The following LOXHD1 variants were observed in gnomAD, a reference collection of about 807,000 sequenced individuals.
LOXHD1 encodes the protein lipoxygenase homology domain-containing protein 1.
A neutral mutation model predicts 248.2 loss-of-function variants in LOXHD1; 205 were observed. The ratio of observed to expected loss-of-function variants is 0.83; its 90% CI spans 0.74 to 0.93. The LOEUF (loss-of-function observed/expected upper bound fraction) is 0.93, where lower values mean the gene tolerates loss of function less well. LOXHD1 is among the 40% of genes least tolerant of loss of function. The pLI, the probability that LOXHD1 is intolerant of heterozygous loss-of-function variation, is 0.00. For synonymous variants in LOXHD1, 1,113 were observed against 1,162.8 expected (o/e 0.96, Z 0.87); for missense variants, 2,930 against 2,971.6 (o/e 0.99, Z 0.33).
intron 4 of LOXHD1, among the ~76,000 whole-genome samples, chr18:46,632,528 G>C (rs1007156894): frequency 6.6e-6 from 1 of 152,160 alleles, no homozygotes; most frequent in Admixed American, 6.5e-5. Flanking sequence ...TGTCCATGCA[G>C]TTACTCTGCC....
intron 5 of LOXHD1, among the ~76,000 whole-genome samples, chr18:46,616,679 G>C (rs1475088944): frequency 1.3e-5 from 2 of 152,002 alleles, no homozygotes; most frequent in African/African-American, 4.8e-5. Flanking sequence ...ATCTTTGTTT[G>C]CATAGAAATT....
chr18:46,624,304 G>T (rs1222383429), intron 4 of LOXHD1, among the ~76,000 whole-genome samples: 1 of 152,226 alleles, frequency 6.6e-6, no homozygotes, highest in Non-Finnish European at 1.5e-5. Flanking sequence ...AAAACGGCAA[G>T]GGAGAGAGAT....
At position 46,504,403 on chromosome 18, in the gene LOXHD1, G is replaced by A. The variant is rs115679436; in HGVS notation, c.5878+1435C>T. 4.6e-3 allele frequency among the ~76,000 whole-genome samples: 695 copies of A among 152,260 alleles called. 6 individuals carry two copies. The highest frequency in any genetic ancestry group is 0.016 in the African/African-American group (662 of 41,522). Reference sequence around the variant, plus strand: ...TTACAGCTGTGAGCCACAGCCCCTGGCCTCACAAAGTATTTTTGAGAATCA... The same window carrying A: ...TTACAGCTGTGAGCCACAGCCCCTGACCTCACAAAGTATTTTTGAGAATCA... On this transcript the variant is annotated intron_variant, in intron 37 of 40. Coordinates refer to ENST00000642948, the MANE Select transcript of LOXHD1 (RefSeq NM_001384474.1).
intron 25 of LOXHD1, among the ~76,000 whole-genome samples, chr18:46,538,734 G>A (rs1450664469): frequency 6.6e-6 from 1 of 152,154 alleles, no homozygotes. Flanking sequence ...AAGTGCCCTC[G>A]ACATGGTGCT....
At chr18:46,555,217 C>T (rs1340736902) in intron 21 of LOXHD1, 2 of 469,744 alleles carry the variant, frequency 4.3e-6, no homozygotes, top group Non-Finnish European at 8.8e-6. Flanking sequence ...AGCTTAAATG[C>T]CTTGGATTTT....
chr18:46,574,041 GGAGAAGGTT>G (rs1286814688), intron 14 of LOXHD1, among the ~76,000 whole-genome samples: 1 of 152,072 alleles, frequency 6.6e-6, no homozygotes, highest in African/African-American at 2.4e-5. Flanking sequence ...AGACTGCAGA[GGAGAAGGTT>G]GAGAAGTAGG....
At chr18:46,586,521 C>T (rs2038064299) in intron 12 of LOXHD1, among the ~76,000 whole-genome samples, 1 of 152,252 alleles carries the variant, frequency 6.6e-6, no homozygotes, top group South Asian at 2.1e-4. Flanking sequence ...TCTCCGCTCA[C>T]TGCAATCTCC....
intron 29 of LOXHD1, among the ~76,000 whole-genome samples, chr18:46,526,202 G>A (rs927557768): frequency 6.6e-6 from 1 of 152,210 alleles, no homozygotes; most frequent in African/African-American, 2.4e-5. Context: ...CCTTCACATT[G>A]CACAAGGATG....
Position 46,621,217 on chromosome 18 carries a change from G to A in LOXHD1, c.512-2927C>T, listed in dbSNP as rs144130089. Among the ~76,000 whole-genome samples the A allele has an allele frequency of 1.1e-4, 16 of 152,336 alleles. 1 individual carries two copies. In the East Asian group the frequency reaches 2.9e-3, roughly 28 times the overall value. ...GGAGAATAGGATCCCTGTGTGACAG[G>A]TGACTGCCAATCACATTGAGAAGGA... is the stretch of plus-strand genomic sequence containing the variant. On this transcript the variant is annotated intron_variant, in intron 4 of 40. Transcript: ENST00000642948.
chr18:46,483,562 C>A (rs1198945963), intron 40 of LOXHD1, 25 bp downstream of exon 40: 1 of 1,551,488 alleles, frequency 6.4e-7, no homozygotes, highest in Non-Finnish European at 8.7e-7. Context: ...AGTGGCACTT[C>A]CTTGGGGAGA....
chr18:46,601,493 A>G, intron 7 of LOXHD1, 26 bp from the exon 8 acceptor site: 1 of 1,551,688 alleles, frequency 6.4e-7, no homozygotes, highest in Non-Finnish European at 8.7e-7. Flanking sequence ...CAGGAAAGAG[A>G]GTGTTCAATG....
At chr18:46,549,442 A>C (rs2036991398) in intron 21 of LOXHD1, among the ~76,000 whole-genome samples, 1 of 152,384 alleles carries the variant, frequency 6.6e-6, no homozygotes, top group South Asian at 2.1e-4. Context: ...GGACAACATC[A>C]AGTATGAGTA....
At chr18:46,590,169 T>C (rs2038139200) in intron 12 of LOXHD1, among the ~76,000 whole-genome samples, 1 of 152,046 alleles carries the variant, frequency 6.6e-6, no homozygotes, top group South Asian at 2.1e-4. Flanking sequence ...ACCTGTAAAT[T>C]TGTTAGGCAA....
intron 38 of LOXHD1, among the ~76,000 whole-genome samples, chr18:46,486,429 A>C (rs540814437): frequency 6.6e-6 from 1 of 152,308 alleles, no homozygotes; most frequent in Admixed American, 6.5e-5. Context: ...GCTACCTGAA[A>C]CAAGTAGAGT....
intron 37 of LOXHD1, among the ~76,000 whole-genome samples, chr18:46,491,896 T>C (rs1036797449): frequency 6.6e-6 from 1 of 152,222 alleles, no homozygotes; most frequent in African/African-American, 2.4e-5. Context: ...GTTGCCTCTC[T>C]TCCCACTGTG....
intron 13 of LOXHD1, among the ~76,000 whole-genome samples, chr18:46,578,296 A>G (rs1193648258): frequency 1.3e-5 from 2 of 152,220 alleles, no homozygotes; most frequent in Non-Finnish European, 2.9e-5. Flanking sequence ...CTGAGGCAGC[A>G]TAACAGTAGG....
intron 34 of LOXHD1, among the ~76,000 whole-genome samples, chr18:46,511,516 G>A (rs2034961948): frequency 6.6e-6 from 1 of 152,208 alleles, no homozygotes. Flanking sequence ...GTTCCTGCCT[G>A]CTATGAAAGG....
At chr18:46,565,699 A>G (rs1444558165) in intron 17 of LOXHD1, among the ~76,000 whole-genome samples, 1 of 152,220 alleles carries the variant, frequency 6.6e-6, no homozygotes. Context: ...TCTCTAGGTT[A>G]CTTATAATAC....
At chr18:46,565,001 C>T (rs961327757) in intron 17 of LOXHD1, among the ~76,000 whole-genome samples, 14 of 152,226 alleles carry the variant, frequency 9.2e-5, no homozygotes, top group Non-Finnish European at 1.6e-4. Flanking sequence ...TAGTGGCTCA[C>T]GTCTATAATG....
Sources: allele counts gnomAD v4.1 joint callset (sites outside exome capture counted in the v4.1 genomes callset), GRCh38; gene constraint gnomAD v4.1.1; transcripts MANE v1.5; gene names NCBI Gene and HGNC (gene_info 2026-07-23, HGNC 2026-07-21).